The following KREMEN1 variants were observed in gnomAD, a reference collection of about 807,000 sequenced individuals.
KREMEN1 encodes the protein kringle containing transmembrane protein 1.
Under a neutral mutation model 46.5 loss-of-function variants are expected in KREMEN1, and 30 were observed. The observed-to-expected ratio is 0.65, with a 90% CI of 0.48 to 0.88. The LOEUF (loss-of-function observed/expected upper bound fraction) is 0.88, where lower values mean the gene tolerates loss of function less well. Among genes scored for constraint, KREMEN1 ranks in the 40% least tolerant of loss-of-function variants. The pLI is 0.00. For synonymous variants in KREMEN1, 214 were observed against 230.6 expected, an observed-to-expected ratio of 0.93 and a Z score of 0.65; for missense variants, 533 against 596.9, an observed-to-expected ratio of 0.89 and a Z score of 1.11.
intron 3 of KREMEN1, among the ~76,000 whole-genome samples, chr22:29,119,943 TAGAG>T (rs144314770): frequency 0.011 from 1,740 of 151,908 alleles, 33 homozygotes; most frequent in African/African-American, 0.039. Flanking sequence ...ACAGGGTCCT[TAGAG>T]AGGCAGGAGG....
At chr22:29,121,221 G>C (rs1180457096) in intron 3 of KREMEN1, 136 bp from the exon 4 acceptor site, 2 of 958,368 alleles carry the variant, frequency 2.1e-6, no homozygotes, top group Non-Finnish European at 3.1e-6. Context: ...TTTCAAAGCT[G>C]GTTGCTTGTT....
intron 4 of KREMEN1, among the ~76,000 whole-genome samples, chr22:29,122,940 CAAAAAAA>C (rs140855395): frequency 1.8e-5 from 1 of 56,406 alleles, no homozygotes; most frequent in Non-Finnish European, 2.9e-5. Flanking sequence ...GACTCTGTCT[CAAAAAAA>C]AAAAAAAAAA....
chr22:29,148,324 G>A (rs1293832789), downstream of KREMEN1, among the ~76,000 whole-genome samples: 1 of 152,164 alleles, frequency 6.6e-6, no homozygotes, highest in Admixed American at 6.5e-5. Context: ...CCCTCAGAAG[G>A]CTATGGGGGA....
intron 5 of KREMEN1, among the ~76,000 whole-genome samples, chr22:29,134,525 T>A (rs1390745972): frequency 6.6e-6 from 1 of 152,182 alleles, no homozygotes; most frequent in Non-Finnish European, 1.5e-5. Context: ...GGGTCATCAT[T>A]GAGTCTAGTT....
At chr22:29,129,643 A>G (rs978967804) in intron 5 of KREMEN1, among the ~76,000 whole-genome samples, 2 of 152,090 alleles carry the variant, frequency 1.3e-5, no homozygotes, top group African/African-American at 4.8e-5. Flanking sequence ...TGCTGATTAG[A>G]GGAACACCCA....
intron 9 of KREMEN1, among the ~76,000 whole-genome samples, chr22:29,161,078 A>AC (rs2039005734): frequency 6.6e-6 from 1 of 152,218 alleles, no homozygotes; most frequent in Non-Finnish European, 1.5e-5. Context: ...ATCCTCAGAG[A>AC]CTATTATGAA....
intron 2 of KREMEN1, 143 bp downstream of exon 2, chr22:29,094,563 T>C: frequency 2.1e-6 from 1 of 471,272 alleles, no homozygotes. Flanking sequence ...AAATATTTCT[T>C]TCACACCTTA....
At chr22:29,136,814 C>T (rs933723239) in intron 5 of KREMEN1, among the ~76,000 whole-genome samples, 4 of 152,164 alleles carry the variant, frequency 2.6e-5, no homozygotes, top group South Asian at 4.1e-4. Flanking sequence ...TGCTTGAAAA[C>T]GTGGTCCCTC....
intron 3 of KREMEN1, among the ~76,000 whole-genome samples, chr22:29,103,182 A>G (rs1050141250): frequency 1.3e-5 from 2 of 152,232 alleles, no homozygotes; most frequent in African/African-American, 4.8e-5. Flanking sequence ...GAAGCCTGCT[A>G]TTCATGATTA....
At chr22:29,125,847 G>A (rs530217022) in intron 5 of KREMEN1, among the ~76,000 whole-genome samples, 14 of 151,800 alleles carry the variant, frequency 9.2e-5, no homozygotes, top group Admixed American at 6.6e-5. Context: ...AGGAGACAGC[G>A]TAGCTCTAAG....
chr22:29,075,289 G>A (rs2123916805), intron 1 of KREMEN1, among the ~76,000 whole-genome samples: 1 of 152,298 alleles, frequency 6.6e-6, no homozygotes, highest in Admixed American at 6.5e-5. Context: ...GGTGGAAATA[G>A]ACTGGTTCCC....
At chr22:29,108,748 C>G (rs1179280827) in intron 3 of KREMEN1, among the ~76,000 whole-genome samples, 1 of 152,198 alleles carries the variant, frequency 6.6e-6, no homozygotes, top group Non-Finnish European at 1.5e-5. Context: ...CTCCCTGTGG[C>G]CTGTTGCAGC....
chr22:29,142,752 C>T lies in KREMEN1; in HGVS notation c.*640C>T, dbSNP rs2038785739. ...GTCTGAGAATAAGATCTAGTGACCCCCATTTATATCAAACCTGATACCTTA... is the reference window on the plus strand; with the variant it reads ...GTCTGAGAATAAGATCTAGTGACCCTCATTTATATCAAACCTGATACCTTA... On this transcript the variant is annotated 3_prime_UTR_variant, in exon 9 of 9. Coordinates refer to ENST00000400335, the MANE Select transcript of KREMEN1 (RefSeq NM_001039570.3). The T allele has an allele frequency of 1.0e-6, 1 of 985,304 alleles. No homozygotes were observed. Among genetic ancestry groups the T allele is most frequent in the African/African-American group, 1.7e-5 (1 of 57,222 alleles). 61.0% of individuals were successfully genotyped at this position (985,304 alleles called of 1,614,324 possible). A position where few individuals can be genotyped will look rare whatever the true frequency, so the allele number is the denominator to read the frequency against.
intron 1 of KREMEN1, among the ~76,000 whole-genome samples, chr22:29,075,850 G>T (rs1417463788): frequency 6.6e-6 from 1 of 152,070 alleles, no homozygotes; most frequent in Non-Finnish European, 1.5e-5. Context: ...GCACAATTTT[G>T]TAATATTTAA....
chr22:29,151,512 A>G (rs1166000684), downstream of KREMEN1, among the ~76,000 whole-genome samples: 6 of 152,166 alleles, frequency 3.9e-5, no homozygotes, highest in African/African-American at 1.4e-4. Context: ...CCCTGGAGCC[A>G]TCTACGCAAC....
Position 29,138,789 on chromosome 22 carries a change from A to G in KREMEN1, c.1123+7A>G, listed in dbSNP as rs1212798753. 6.2e-7 allele frequency: 1 copy of G among 1,614,228 alleles called. No individual in the cohort carries two copies. The highest frequency in any genetic ancestry group is 1.1e-5 in the South Asian group (1 of 91,088). On this transcript the variant is annotated splice_region_variant and intron_variant, in intron 7 of 8. Coordinates refer to ENST00000400335, the MANE Select transcript of KREMEN1 (RefSeq NM_001039570.3). ...CCACCTCAGACTGTCCCAGGTAGCA[A>G]TTCCTGGGCGCCACCCATGGGGGCT... is the stretch of plus-strand genomic sequence containing the variant.
chr22:29,125,500 C>A, intron 5 of KREMEN1, 84 bp downstream of exon 5: 1 of 1,379,628 alleles, frequency 7.2e-7, no homozygotes, highest in Non-Finnish European at 1.0e-6. Context: ...TCCCTCCCTT[C>A]TATGTATTCA....
chr22:29,147,708 C>G (rs2038882932), downstream of KREMEN1, among the ~76,000 whole-genome samples: 1 of 152,192 alleles, frequency 6.6e-6, no homozygotes, highest in African/African-American at 2.4e-5. Context: ...TCGGGAGACT[C>G]TACAGGCCCA....
In KREMEN1 at chr22:29,146,766, A is replaced by G; in HGVS notation, c.*4654A>G. The G allele has an allele frequency of 2.1e-6, 2 of 957,712 alleles. No homozygotes were observed. Among genetic ancestry groups the G allele is most frequent in the Non-Finnish European group, 2.5e-6 (2 of 804,366 alleles). The allele number at this position is 957,712 out of a possible 1,614,324, so 59.3% of individuals were successfully genotyped here. A position where few individuals can be genotyped will look rare whatever the true frequency, so the allele number is the denominator to read the frequency against. On this transcript the variant is annotated 3_prime_UTR_variant, in exon 9 of 9. Transcript: ENST00000400335. Reference sequence around the variant, plus strand: ...GTAATGGTACTTTTACAAACGAGAAAAAATGTTATTTTTACTTTCTGGAAA... The same window carrying G: ...GTAATGGTACTTTTACAAACGAGAAGAAATGTTATTTTTACTTTCTGGAAA...
Sources: gnomAD v4.1 joint callset for allele counts (sites outside exome capture counted in the v4.1 genomes callset) on GRCh38, gnomAD v4.1.1 for gene constraint, MANE v1.5 for transcripts, NCBI Gene and HGNC (gene_info 2026-07-23, HGNC 2026-07-21) for gene names.